ZER1: variants seen among roughly 807,000 people sequenced by gnomAD.
The protein encoded by ZER1 is zyg-11 related cell cycle regulator, also known as protein zer-1 homolog.
ZER1 carries 11 observed loss-of-function variants against 78.8 expected under a neutral mutation model. The ratio of observed to expected loss-of-function variants is 0.14; its 90% CI spans 0.09 to 0.23. The LOEUF is 0.23. Among genes scored for constraint, ZER1 ranks in the 10% least tolerant of loss-of-function variants. The pLI, the probability that ZER1 is intolerant of heterozygous loss-of-function variation, is 1.00. For synonymous variants in ZER1, 400 were observed against 407.0 expected (o/e 0.98, Z 0.21); for missense variants, 588 against 996.9 (o/e 0.59, Z 5.52).
chr9:128,742,268 C>CA (rs1863327629), intron 9 of ZER1, among the ~76,000 whole-genome samples: 1 of 152,258 alleles, frequency 6.6e-6, no homozygotes, highest in Non-Finnish European at 1.5e-5. Context: ...TCTTTCCCTA[C>CA]AGAGCTTATG....
At chr9:128,742,286 G>A (rs1863328381) in intron 9 of ZER1, among the ~76,000 whole-genome samples, 1 of 152,264 alleles carries the variant, frequency 6.6e-6, no homozygotes, top group Non-Finnish European at 1.5e-5. Flanking sequence ...ATGAAAGCAG[G>A]ATGAGCGCAG....
At chr9:128,758,042 T>C (rs1002982088) in intron 1 of ZER1, among the ~76,000 whole-genome samples, 4 of 151,884 alleles carry the variant, frequency 2.6e-5, no homozygotes, top group African/African-American at 9.7e-5. Context: ...AAATACTGCA[T>C]GGCAATGAGA....
chr9:128,748,093 G>C (rs1446106464), intron 8 of ZER1, among the ~76,000 whole-genome samples: 1 of 151,872 alleles, frequency 6.6e-6, no homozygotes, highest in Non-Finnish European at 1.5e-5. Context: ...CATACACACA[G>C]ACACACACAA....
At chr9:128,745,366 T>G (rs1002455794) in intron 8 of ZER1, among the ~76,000 whole-genome samples, 4 of 151,470 alleles carry the variant, frequency 2.6e-5, no homozygotes, top group African/African-American at 9.7e-5. Context: ...AAAAAAAAAT[T>G]TTTTTTTTGA....
Position 128,753,036 on chromosome 9 carries a change from G to T in ZER1, c.746+128C>A. 8.3e-7 allele frequency: 1 copy of T among 1,199,606 alleles called. No individual in the cohort carries two copies. 74.3% of individuals were successfully genotyped at this position (1,199,606 alleles called of 1,614,324 possible). A position where few individuals can be genotyped will look rare whatever the true frequency, so the allele number is the denominator to read the frequency against. On this transcript the variant is annotated intron_variant, in intron 4 of 15. Coordinates refer to ENST00000291900, the MANE Select transcript of ZER1 (RefSeq NM_006336.4). The surrounding 1 kb of genome is among the most constrained non-coding windows in gnomAD (Gnocchi z 7.5). The stretch of plus-strand genomic sequence containing the variant: ...AACACTGGGTTTAAGGAATGGGACT[G>T]TGTCTTCATCCCCACCCTCTGCCTA...
At chr9:128,744,417 C>A (rs1419624883) in intron 8 of ZER1, among the ~76,000 whole-genome samples, 1 of 151,560 alleles carries the variant, frequency 6.6e-6, no homozygotes, top group Non-Finnish European at 1.5e-5. Context: ...TGGTCTTGAT[C>A]TCATGATCCA....
In ZER1 at chr9:128,732,329, A is replaced by G. The variant is rs556180710; in HGVS notation, c.2244-935T>C. ...GGGCCACCTCCCACCTCCCGGATGT[A>G]CTGGAAAAGAAAACCTAGGGGTGGG... is the stretch of plus-strand genomic sequence containing the variant. On this transcript the variant is annotated intron_variant, in intron 15 of 15. Coordinates refer to ENST00000291900, the MANE Select transcript of ZER1 (RefSeq NM_006336.4). The surrounding 1 kb of genome is among the most constrained non-coding windows in gnomAD (Gnocchi z 4.8). Among the ~76,000 whole-genome samples, 2 of 152,320 alleles carry G rather than the reference A, an allele frequency of 1.3e-5. No homozygotes were observed. Among genetic ancestry groups the G allele is most frequent in the South Asian group, 2.1e-4 (1 of 4,832 alleles).
At chr9:128,769,634 G>A (rs1448592147) in intron 1 of ZER1, among the ~76,000 whole-genome samples, 1 of 151,894 alleles carries the variant, frequency 6.6e-6, no homozygotes, top group African/African-American at 2.4e-5. Context: ...GGCTGGTCTC[G>A]AACTCCTGAC....
chr9:128,747,095 A>C (rs955555635), intron 8 of ZER1, among the ~76,000 whole-genome samples: 3 of 151,962 alleles, frequency 2.0e-5, no homozygotes, highest in East Asian at 2.0e-4. Flanking sequence ...GCTACTCAGG[A>C]CACTGAGGCA....
chr9:128,752,987 C>T lies in ZER1; in HGVS notation c.747-138G>A. The T allele has an allele frequency of 2.4e-6, 3 of 1,264,726 alleles. 1 individual carries two copies. In the South Asian group the frequency reaches 4.5e-5, roughly 19 times the overall value. 78.3% of individuals were successfully genotyped at this position (1,264,726 alleles called of 1,614,324 possible). On this transcript the variant is annotated intron_variant, in intron 4 of 15. Transcript: ENST00000291900. Reference sequence around the variant, plus strand: ...TCCCCAGGGCATTCTGGGAAGAAACCCCAAACAGCCCCAATCCAGCTGAAA... The same window carrying T: ...TCCCCAGGGCATTCTGGGAAGAAACTCCAAACAGCCCCAATCCAGCTGAAA...
intron 11 of ZER1, among the ~76,000 whole-genome samples, chr9:128,741,142 G>A (rs1863276963): frequency 6.6e-6 from 1 of 152,180 alleles, no homozygotes; most frequent in Admixed American, 6.5e-5. Context: ...ACGTGGTTCT[G>A]TTCACCAAAG....
intron 8 of ZER1, chr9:128,746,127 A>C (rs1026307428): frequency 6.6e-6 from 1 of 152,232 alleles, no homozygotes; most frequent in African/African-American, 2.4e-5. Context: ...GGCATGAGCC[A>C]CTGTGCCCGG....
intron 8 of ZER1, 138 bp from the exon 9 acceptor site, chr9:128,742,883 G>A (rs1863351588): frequency 2.5e-6 from 2 of 796,568 alleles, no homozygotes; most frequent in East Asian, 5.4e-5. Flanking sequence ...GGCTATACAA[G>A]TCTTCTCTAA....
chr9:128,736,397 G>GTT (rs753097804), intron 13 of ZER1, among the ~76,000 whole-genome samples: 24 of 122,844 alleles, frequency 2.0e-4, no homozygotes, highest in African/African-American at 4.2e-4. Flanking sequence ...TTTTTTCTTT[G>GTT]TTTTTTTTTT....
At chr9:128,746,608 G>A (rs1458871012) in intron 8 of ZER1, among the ~76,000 whole-genome samples, 4 of 151,040 alleles carry the variant, frequency 2.6e-5, no homozygotes, top group African/African-American at 4.9e-5. Context: ...GGCTACAGAC[G>A]CATAGCACCA....
chr9:128,741,700 G>A (rs1863298600), intron 10 of ZER1, 46 bp from the exon 11 acceptor site: 4 of 1,613,848 alleles, frequency 2.5e-6, no homozygotes, highest in Non-Finnish European at 2.5e-6. Context: ...GGTACCCGGG[G>A]AGGGGGGCCC....
At chr9:128,741,912 G>A (rs1227024559) in intron 9 of ZER1, 71 bp from the exon 10 acceptor site, 2 of 1,600,764 alleles carry the variant, frequency 1.2e-6, no homozygotes, top group Non-Finnish European at 1.7e-6. Flanking sequence ...ACCCAAGATG[G>A]AGGGGAGGCT....
Position 128,753,745 on chromosome 9 carries a change from A to ATGGCTGGGCTGGGGATGGCTG in ZER1, c.309+63_309+64insCAGCCATCCCCAGCCCAGCCA. 3.2e-6 allele frequency: 5 copies of ATGGCTGGGCTGGGGATGGCTG among 1,567,816 alleles called. No homozygotes were observed. The highest frequency in any genetic ancestry group is 8.6e-7 in the Non-Finnish European group (1 of 1,156,598). On this transcript the variant is annotated intron_variant, in intron 3 of 15. Transcript: ENST00000291900. The surrounding 1 kb of genome is among the most constrained non-coding windows in gnomAD (Gnocchi z 7.5). ...GCTGGGCTGGGGATGGCTGGGCTGG[A>ATGGCTGGGCTGGGGATGGCTG]GGCGAGCAGCCTGGCCCCTGCTTGG...
intron 14 of ZER1, 102 bp from the exon 15 acceptor site, chr9:128,733,630 G>T: frequency 1.9e-6 from 2 of 1,062,714 alleles, no homozygotes; most frequent in Non-Finnish European, 2.8e-6. Flanking sequence ...GGTGTCGGGG[G>T]TGTGAAGGCA....
Sources: gnomAD v4.1 joint callset for allele counts (sites outside exome capture counted in the v4.1 genomes callset) on GRCh38, gnomAD v4.1.1 for gene constraint, Gnocchi (gnomAD v3.1) non-coding constraint, MANE v1.5 for transcripts, NCBI Gene and HGNC (gene_info 2026-07-23, HGNC 2026-07-21) for gene names.